The following MMP28 variants were observed in gnomAD, a reference collection of about 807,000 sequenced individuals.
MMP28 encodes matrix metallopeptidase 28, also known as matrix metalloproteinase-28.
In MMP28, 55 loss-of-function variants were observed where a neutral mutation model predicts 60.5. The ratio of observed to expected loss-of-function variants is 0.91; its 90% CI spans 0.73 to 1.14. MMP28 has a LOEUF of 1.14. Among genes scored for constraint, MMP28 ranks in the 50% most tolerant of loss-of-function variants. The probability of loss-of-function intolerance (pLI) is 0.00; values close to 1 mark genes in which losing one functional copy is unlikely to be tolerated. For missense variants in MMP28, 686 were observed against 738.3 expected, an observed-to-expected ratio of 0.93 and a Z score of 0.82; for synonymous variants, 318 against 312.5, an observed-to-expected ratio of 1.02 and a Z score of -0.18.
chr17:35,793,698 AG>A (rs1438929514), intron 1 of MMP28, among the ~76,000 whole-genome samples: 1 of 152,114 alleles, frequency 6.6e-6, no homozygotes, highest in Non-Finnish European at 1.5e-5. Flanking sequence ...GAAGGGGAGT[AG>A]GGAGGATACT....
intron 1 of MMP28, among the ~76,000 whole-genome samples, chr17:35,781,290 T>A (rs1023882910): frequency 6.6e-6 from 1 of 152,120 alleles, no homozygotes; most frequent in Non-Finnish European, 1.5e-5. Flanking sequence ...GTGATGCTAT[T>A]TAATGTATGA....
rs2085930647 is a variant in MMP28, at chr17:35,766,111, T to G, written c.*389A>C. 9.9e-7 allele frequency: 1 copy of G among 1,009,534 alleles called. No individual in the cohort carries two copies. Among genetic ancestry groups the G allele is most frequent in the Admixed American group, 5.4e-5 (1 of 18,494 alleles). 62.5% of individuals were successfully genotyped at this position (1,009,534 alleles called of 1,614,324 possible). A position where few individuals can be genotyped will look rare whatever the true frequency, so the allele number is the denominator to read the frequency against. Reference sequence around the variant, plus strand: ...GGGTCCTGAGGAGAAGGGCACAGTCTTGCAAAATGGTCTCGAATTTCTCTG... The same window carrying G: ...GGGTCCTGAGGAGAAGGGCACAGTCGTGCAAAATGGTCTCGAATTTCTCTG... On this transcript the variant is annotated 3_prime_UTR_variant, in exon 8 of 8. Transcript: ENST00000605424. The surrounding 1 kb of genome is among the most constrained non-coding windows in gnomAD (Gnocchi z 4.3).
downstream of MMP28, chr17:35,761,061 T>C: frequency 1.6e-6 from 2 of 1,216,002 alleles, no homozygotes; most frequent in African/African-American, 1.6e-5. Flanking sequence ...CAGTTACCCA[T>C]CCATGTAGCT....
chr17:35,770,167 G>A lies in MMP28; in HGVS notation c.750C>T (p.His250=). ...CCATGAGCGCGCGCGGCGCGGGCGA[G>A]TGGGTGAGGCCAAGCGTGTGACCGA... The part of the protein sequence containing the change: ...HEIGHTLGLT[H]SPAPRALMAP... The change falls in exon 5 of 8, where the codon CAC becomes CAT. Residue 250 remains histidine (H), a synonymous_variant. Coordinates refer to ENST00000605424, the MANE Select transcript of MMP28 (RefSeq NM_024302.5). 1 of 1,607,016 alleles carries A rather than the reference G, an allele frequency of 6.2e-7. No individual in the cohort carries two copies. Among genetic ancestry groups the A allele is most frequent in the Non-Finnish European group, 8.5e-7 (1 of 1,178,280 alleles).
At chr17:35,764,675 C>G, downstream of MMP28, 1 of 1,496,114 alleles carries the variant, frequency 6.7e-7, no homozygotes, top group Non-Finnish European at 8.9e-7. Context: ...AGACCCCCTA[C>G]CGACCTTCTC....
At chr17:35,764,913 T>A (rs187126644), downstream of MMP28, 13 of 226,918 alleles carry the variant, frequency 5.7e-5, no homozygotes, top group Non-Finnish European at 1.0e-4. Flanking sequence ...CACCTGACTC[T>A]GTCCGCTCAC....
At chr17:35,769,696 G>A (rs1173310033) in intron 5 of MMP28, among the ~76,000 whole-genome samples, 1 of 152,082 alleles carries the variant, frequency 6.6e-6, no homozygotes, top group African/African-American at 2.4e-5. Flanking sequence ...TCCGGGATGG[G>A]GGAAGAGGTG....
At chr17:35,758,520 C>T (rs74502029) in intron 2 of MMP28, among the ~76,000 whole-genome samples, 3,150 of 152,064 alleles carry the variant, frequency 0.021, 64 homozygotes, top group East Asian at 0.11. Context: ...GGTGAAACCC[C>T]GTCTCTACTA....
chr17:35,764,303 G>C (rs1051742578), downstream of MMP28: 3 of 1,500,116 alleles, frequency 2.0e-6, no homozygotes, highest in South Asian at 1.3e-5. Flanking sequence ...GCTGCTGGGC[G>C]GCCTAACAGC....
chr17:35,761,066 G>A, downstream of MMP28: 4 of 1,088,186 alleles, frequency 3.7e-6, no homozygotes, highest in Non-Finnish European at 3.8e-6. Context: ...ACCCATCCAT[G>A]TAGCTGCAAG....
chr17:35,790,707 G>T (rs1487198779), intron 1 of MMP28, among the ~76,000 whole-genome samples: 1 of 152,006 alleles, frequency 6.6e-6, no homozygotes, highest in Non-Finnish European at 1.5e-5. Flanking sequence ...GTCTGTAGAG[G>T]CTGAGTATGG....
chr17:35,779,924 A>G (rs1218289531), intron 1 of MMP28, among the ~76,000 whole-genome samples: 2 of 152,252 alleles, frequency 1.3e-5, no homozygotes, highest in South Asian at 2.1e-4. Flanking sequence ...AAACAACTAC[A>G]TTCTCTAGAA....
chr17:35,765,231 C>T (rs2085910886), downstream of MMP28, among the ~76,000 whole-genome samples: 1 of 152,196 alleles, frequency 6.6e-6, no homozygotes, highest in South Asian at 2.1e-4. Flanking sequence ...CTGCCCACTG[C>T]GCAGAGGAGA....
chr17:35,777,264 C>T (rs908013394), intron 3 of MMP28, among the ~76,000 whole-genome samples: 2 of 152,218 alleles, frequency 1.3e-5, no homozygotes, highest in African/African-American at 4.8e-5. Flanking sequence ...CTCTTGAACT[C>T]GTAGCTCTCT....
intron 1 of MMP28, among the ~76,000 whole-genome samples, chr17:35,788,749 A>G (rs1358851333): frequency 6.6e-6 from 1 of 152,144 alleles, no homozygotes; most frequent in East Asian, 1.9e-4. Flanking sequence ...CTATACAGAT[A>G]TAGCTAGACC....
In MMP28 at chr17:35,766,362, CAG is replaced by C. The variant is rs2085937554; in HGVS notation, c.*136_*137del. 1 of 1,423,782 alleles carries C rather than the reference CAG, an allele frequency of 7.0e-7. No homozygotes were observed. 88.2% of individuals were successfully genotyped at this position (1,423,782 alleles called of 1,614,324 possible). A position where few individuals can be genotyped will look rare whatever the true frequency, so the allele number is the denominator to read the frequency against. On this transcript the variant is annotated 3_prime_UTR_variant, in exon 8 of 8. Coordinates refer to ENST00000605424, the MANE Select transcript of MMP28 (RefSeq NM_024302.5). This position sits in a 1 kb window ranked among gnomAD's most constrained non-coding sequence, Gnocchi z 4.3. ...GCATTCTTCAAGGAACAAAGGCAGA[CAG>C]ACTTCCAGATGGAGGCTTTGCTGCC...
chr17:35,782,520 C>G (rs1389603044), intron 1 of MMP28, among the ~76,000 whole-genome samples: 1 of 152,218 alleles, frequency 6.6e-6, no homozygotes, highest in Non-Finnish European at 1.5e-5. Context: ...TTTCAGCAAC[C>G]TCCACATCCT....
At position 35,766,045 on chromosome 17, in the gene MMP28, T is replaced by C; in HGVS notation, c.*455A>G. On this transcript the variant is annotated 3_prime_UTR_variant, in exon 8 of 8. Transcript: ENST00000605424. This position sits in a 1 kb window ranked among gnomAD's most constrained non-coding sequence, Gnocchi z 4.3. ...ATCCATGCTTCCTGGGGGTGGGGCC[T>C]CTGACTAAATATGACACCGTTTTTC... 1.0e-6 allele frequency: 1 copy of C among 985,032 alleles called. No homozygotes were observed. Among genetic ancestry groups the C allele is most frequent in the Non-Finnish European group, 1.2e-6 (1 of 829,836 alleles). 61.0% of individuals were successfully genotyped at this position (985,032 alleles called of 1,614,324 possible). A position where few individuals can be genotyped will look rare whatever the true frequency, so the allele number is the denominator to read the frequency against.
chr17:35,771,043 AC>A (rs1555605478), intron 4 of MMP28, among the ~76,000 whole-genome samples: 1 of 151,902 alleles, frequency 6.6e-6, no homozygotes, highest in Non-Finnish European at 1.5e-5. Context: ...ACAGAGTAAG[AC>A]CCTGTCTCAA....
Sources: allele counts gnomAD v4.1 joint callset (sites outside exome capture counted in the v4.1 genomes callset), GRCh38; gene constraint gnomAD v4.1.1; non-coding constraint Gnocchi (gnomAD v3.1); transcripts MANE v1.5; gene names NCBI Gene and HGNC (gene_info 2026-07-23, HGNC 2026-07-21).